The following INPP5A variants were observed in gnomAD, a reference collection of about 807,000 sequenced individuals.
INPP5A encodes inositol polyphosphate-5-phosphatase A.
Under a neutral mutation model 65.2 loss-of-function variants are expected in INPP5A, and 14 were observed. That is an observed-to-expected ratio of 0.21 (90% CI 0.14 to 0.34). The LOEUF is 0.34. INPP5A is among the 10% of genes least tolerant of loss of function. The pLI is 1.00. For synonymous variants in INPP5A, 207 were observed against 208.3 expected (o/e 0.99, Z 0.05); for missense variants, 431 against 545.6 (o/e 0.79, Z 2.09).
intron 1 of INPP5A, among the ~76,000 whole-genome samples, chr10:132,556,665 G>A (rs1158300739): frequency 6.6e-6 from 1 of 152,152 alleles, no homozygotes; most frequent in Non-Finnish European, 1.5e-5. Flanking sequence ...CCACATCCTT[G>A]ACAACTTTTG....
chr10:132,726,997 C>G (rs1017586913), intron 9 of INPP5A, 92 bp downstream of exon 9: 1 of 779,468 alleles, frequency 1.3e-6, no homozygotes, highest in African/African-American at 1.8e-5. Flanking sequence ...CTGGCACTTT[C>G]AATGCCATCC....
In INPP5A at chr10:132,704,287, T is replaced by C. The variant is rs1182445622; in HGVS notation, c.475-4026T>C. Among the ~76,000 whole-genome samples the C allele has an allele frequency of 6.6e-6, 1 of 152,162 alleles. No homozygotes were observed. Among genetic ancestry groups the C allele is most frequent in the Non-Finnish European group, 1.5e-5 (1 of 68,028 alleles). ...TAGTAGAGGGGCCTCACCCAGTTAC[T>C]GTAGATTTGTCACCAGTCACACGTC... On this transcript the variant is annotated intron_variant, in intron 6 of 15. Coordinates refer to ENST00000368594, the MANE Select transcript of INPP5A (RefSeq NM_005539.5). The surrounding 1 kb of genome is among the most constrained non-coding windows in gnomAD (Gnocchi z 4.5).
rs1312652463 is a variant in INPP5A at position 132,762,768 on chromosome 10, A to T, written c.904-3005A>T. On this transcript the variant is annotated intron_variant, in intron 11 of 15. Coordinates refer to ENST00000368594, the MANE Select transcript of INPP5A (RefSeq NM_005539.5). This position sits in a 1 kb window ranked among gnomAD's most constrained non-coding sequence, Gnocchi z 4.6. Reference sequence around the variant, plus strand: ...CACTTGGGGAGGCCGAGGCAGGAGGATTGCTTGAGGCCAGTAGTCTCAGAC... The same window carrying T: ...CACTTGGGGAGGCCGAGGCAGGAGGTTTGCTTGAGGCCAGTAGTCTCAGAC... 6.6e-6 allele frequency among the ~76,000 whole-genome samples: 1 copy of T among 152,132 alleles called. No individual in the cohort carries two copies.
In INPP5A at chr10:132,549,549, C is replaced by T. The variant is rs1285391572; in HGVS notation, c.75+11378C>T. On this transcript the variant is annotated intron_variant, in intron 1 of 15. Coordinates refer to ENST00000368594, the MANE Select transcript of INPP5A (RefSeq NM_005539.5). This position sits in a 1 kb window ranked among gnomAD's most constrained non-coding sequence, Gnocchi z 4.9. ...TGTTGGCGGGCTGCCCTCTGCCCAC[C>T]CCTCCAGGAGGGCCTGTGGGATGCG... is the stretch of plus-strand genomic sequence containing the variant. Among the ~76,000 whole-genome samples the T allele has an allele frequency of 2.6e-5, 4 of 152,234 alleles. No homozygotes were observed. The highest frequency in any genetic ancestry group is 4.4e-5 in the Non-Finnish European group (3 of 68,046).
Position 132,627,873 on chromosome 10 carries a change from G to A in INPP5A, c.118-17995G>A, listed in dbSNP as rs1216889701. ...GAGGGGTGAGGCCGTGGAGAGAGCCGTGTGGGGGAGGTGCCCAGGCTGGAG... is the reference window on the plus strand; with the variant it reads ...GAGGGGTGAGGCCGTGGAGAGAGCCATGTGGGGGAGGTGCCCAGGCTGGAG... On this transcript the variant is annotated intron_variant, in intron 2 of 15. Coordinates refer to ENST00000368594, the MANE Select transcript of INPP5A (RefSeq NM_005539.5). The surrounding 1 kb of genome is among the most constrained non-coding windows in gnomAD (Gnocchi z 6.6). Among the ~76,000 whole-genome samples, 3 of 152,186 alleles carry A rather than the reference G, an allele frequency of 2.0e-5. No individual in the cohort carries two copies. The highest frequency in any genetic ancestry group is 7.2e-5 in the African/African-American group (3 of 41,448).
intron 1 of INPP5A, among the ~76,000 whole-genome samples, chr10:132,583,883 A>G (rs2133303450): frequency 6.6e-6 from 1 of 152,288 alleles, no homozygotes; most frequent in Non-Finnish European, 1.5e-5. Context: ...GGAGTTCAAG[A>G]CTAGCCTGGG....
intron 5 of INPP5A, among the ~76,000 whole-genome samples, chr10:132,693,594 A>G (rs1845301774): frequency 6.6e-6 from 1 of 152,224 alleles, no homozygotes; most frequent in South Asian, 2.1e-4. Context: ...TCTGAAATCA[A>G]TTATCTAAGC....
At chr10:132,600,248 T>C (rs1227415267) in intron 1 of INPP5A, among the ~76,000 whole-genome samples, 1 of 152,242 alleles carries the variant, frequency 6.6e-6, no homozygotes, top group African/African-American at 2.4e-5. Context: ...AAGTCACTTC[T>C]TGAATGTTTT....
rs1455599695 is a variant in INPP5A, at chr10:132,663,656, C to T, written c.306+13151C>T. Reference sequence around the variant, plus strand: ...AGCCGGCAGGTGCCACTTCTAGCTTCTGGCTGGGGTTGGTTTGCAGTGGAG... The same window carrying T: ...AGCCGGCAGGTGCCACTTCTAGCTTTTGGCTGGGGTTGGTTTGCAGTGGAG... On this transcript the variant is annotated intron_variant, in intron 4 of 15. Coordinates refer to ENST00000368594, the MANE Select transcript of INPP5A (RefSeq NM_005539.5). This position sits in a 1 kb window ranked among gnomAD's most constrained non-coding sequence, Gnocchi z 4.5. 1.3e-5 allele frequency among the ~76,000 whole-genome samples: 2 copies of T among 152,242 alleles called. No individual in the cohort carries two copies. The highest frequency in any genetic ancestry group is 4.8e-5 in the African/African-American group (2 of 41,460).
intron 9 of INPP5A, among the ~76,000 whole-genome samples, chr10:132,734,763 C>G (rs1225499646): frequency 1.3e-5 from 2 of 152,230 alleles, no homozygotes; most frequent in Non-Finnish European, 2.9e-5. Flanking sequence ...GGAGTGATTT[C>G]CCACCGAAGT....
chr10:132,577,139 G>C (rs895788918), intron 1 of INPP5A, among the ~76,000 whole-genome samples: 15 of 152,210 alleles, frequency 9.9e-5, no homozygotes, highest in African/African-American at 3.4e-4. Flanking sequence ...GGGGCAGAGG[G>C]ACCCCCAGGC....
rs549054562 is a variant in INPP5A, at chr10:132,733,570, C to T, written c.732+6665C>T. ...CATGGTTTTTAAAAAAGGTTTCTGACTGTAAAACATTTCGTAGAAATTTTG... is the reference window on the plus strand; with the variant it reads ...CATGGTTTTTAAAAAAGGTTTCTGATTGTAAAACATTTCGTAGAAATTTTG... On this transcript the variant is annotated intron_variant, in intron 9 of 15. Transcript: ENST00000368594. Among the ~76,000 whole-genome samples, 142 of 152,342 alleles carry T rather than the reference C, an allele frequency of 9.3e-4. 1 individual carries two copies. Among genetic ancestry groups the T allele is most frequent in the South Asian group, 9.1e-3 (44 of 4,830 alleles).
chr10:132,591,470 T>C (rs553948559), intron 1 of INPP5A, among the ~76,000 whole-genome samples: 1 of 152,288 alleles, frequency 6.6e-6, no homozygotes, highest in South Asian at 2.1e-4. Flanking sequence ...ACAAGAGAGG[T>C]CTTTTCATGG....
At chr10:132,560,571 A>C (rs906076850) in intron 1 of INPP5A, among the ~76,000 whole-genome samples, 8 of 151,966 alleles carry the variant, frequency 5.3e-5, no homozygotes, top group African/African-American at 1.9e-4. Context: ...TCTGCTTTGA[A>C]GCAACGCTTA....
intron 2 of INPP5A, among the ~76,000 whole-genome samples, chr10:132,634,193 T>A (rs1165989265): frequency 6.6e-6 from 1 of 152,300 alleles, no homozygotes; most frequent in Non-Finnish European, 1.5e-5. Context: ...AATTGTTTTG[T>A]AGCTTTCGTG....
intron 1 of INPP5A, among the ~76,000 whole-genome samples, chr10:132,589,464 C>T (rs1461216965): frequency 6.6e-6 from 1 of 152,272 alleles, no homozygotes; most frequent in Non-Finnish European, 1.5e-5. Context: ...GGCCGCGGTC[C>T]AAGCCGAGGC....
chr10:132,692,150 A>G (rs559480041), intron 5 of INPP5A, among the ~76,000 whole-genome samples: 1 of 152,152 alleles, frequency 6.6e-6, no homozygotes. Flanking sequence ...GAAATCAGAA[A>G]CAGTACCAGA....
At position 132,546,035 on chromosome 10, in the gene INPP5A, G is replaced by T. The variant is rs1224452475; in HGVS notation, c.75+7864G>T. 6.6e-6 allele frequency among the ~76,000 whole-genome samples: 1 copy of T among 152,230 alleles called. No homozygotes were observed. Among genetic ancestry groups the T allele is most frequent in the East Asian group, 1.9e-4 (1 of 5,194 alleles). On this transcript the variant is annotated intron_variant, in intron 1 of 15. Coordinates refer to ENST00000368594, the MANE Select transcript of INPP5A (RefSeq NM_005539.5). The surrounding 1 kb of genome is among the most constrained non-coding windows in gnomAD (Gnocchi z 5.7). ...CACCAGGTCCTGCTTGTGTACGGGG[G>T]CCGGCAGCACCGTTGTGTTGGGATG...
At chr10:132,562,010 A>G (rs895758398) in intron 1 of INPP5A, among the ~76,000 whole-genome samples, 2 of 152,172 alleles carry the variant, frequency 1.3e-5, no homozygotes, top group African/African-American at 4.8e-5. Flanking sequence ...TGATGGGCAA[A>G]CTCATGTCTG....
Sources: gnomAD v4.1 joint callset for allele counts (sites outside exome capture counted in the v4.1 genomes callset) on GRCh38, gnomAD v4.1.1 for gene constraint, Gnocchi (gnomAD v3.1) non-coding constraint, MANE v1.5 for transcripts, NCBI Gene and HGNC (gene_info 2026-07-23, HGNC 2026-07-21) for gene names.